PPP2R3A: variants seen among roughly 807,000 people sequenced by gnomAD.
PPP2R3A encodes protein phosphatase 2 regulatory subunit B''alpha.
In PPP2R3A, 80 loss-of-function variants were observed where a neutral mutation model predicts 106.9. The observed-to-expected ratio is 0.75, with a 90% CI of 0.62 to 0.90. The LOEUF (loss-of-function observed/expected upper bound fraction) is 0.90, where lower values mean the gene tolerates loss of function less well. Ranked by LOEUF, PPP2R3A falls within the 40% of genes least tolerant of loss-of-function variation. The pLI is 0.00. For synonymous variants in PPP2R3A, 483 were observed against 468.3 expected, an observed-to-expected ratio of 1.03 and a Z score of -0.41; for missense variants, 1,386 against 1,350.4, an observed-to-expected ratio of 1.03 and a Z score of -0.41.
intron 4 of PPP2R3A, among the ~76,000 whole-genome samples, chr3:136,047,259 G>C (rs1559887588): frequency 1.3e-5 from 2 of 152,114 alleles, no homozygotes; most frequent in Admixed American, 6.5e-5. Context: ...AAAGAACAGA[G>C]TTTACATTTC....
Position 136,001,934 on chromosome 3 carries a change from G to T in PPP2R3A, c.436G>T (p.Val146Phe). 1 of 1,614,186 alleles carries T rather than the reference G, an allele frequency of 6.2e-7. No homozygotes were observed. The highest frequency in any genetic ancestry group is 2.2e-5 in the East Asian group (1 of 44,880). The part of the protein sequence containing the change: ...NHAAYRKGRK[V>F]KSDSFNRRSV... ...TGCAGCTTACAGAAAGGGAAGGAAA[G>T]TTAAGTCTGACTCATTTAATAGGAG... The change falls in exon 2 of 14, where the codon GTT becomes TTT. Residue 146 changes from valine to phenylalanine, a missense_variant. Val to Phe is a conservative substitution (Grantham distance 50). Coordinates refer to ENST00000264977, the MANE Select transcript of PPP2R3A (RefSeq NM_002718.5).
chr3:136,088,279 T>G (rs910858656), intron 9 of PPP2R3A, among the ~76,000 whole-genome samples: 1 of 152,126 alleles, frequency 6.6e-6, no homozygotes, highest in Non-Finnish European at 1.5e-5. Flanking sequence ...GTCCCCAGTG[T>G]CCATTGTTCC....
At chr3:136,057,883 G>A (rs1165294768) in intron 5 of PPP2R3A, among the ~76,000 whole-genome samples, 1 of 152,162 alleles carries the variant, frequency 6.6e-6, no homozygotes, top group Non-Finnish European at 1.5e-5. Context: ...ATGAAGAACA[G>A]TTTGGAGTTT....
intron 8 of PPP2R3A, chr3:136,087,574 A>G (rs1168563130): frequency 4.8e-6 from 1 of 210,488 alleles, no homozygotes; most frequent in Admixed American, 5.8e-5. Context: ...TCTTGTTTAT[A>G]GGAAAATTGG....
chr3:136,115,950 T>C (rs1937734395), intron 13 of PPP2R3A, among the ~76,000 whole-genome samples: 1 of 151,196 alleles, frequency 6.6e-6, no homozygotes, highest in Non-Finnish European at 1.5e-5. Flanking sequence ...AGCGTCAAAT[T>C]CACCAAGGCT....
chr3:136,057,868 C>T (rs1324842294), intron 5 of PPP2R3A, among the ~76,000 whole-genome samples: 1 of 151,964 alleles, frequency 6.6e-6, no homozygotes, highest in South Asian at 2.1e-4. Context: ...ATTAGTATAG[C>T]CATTATGAAG....
At chr3:136,106,881 T>A (rs143315326) in intron 13 of PPP2R3A, 1 of 131,170 alleles carries the variant, frequency 7.6e-6, no homozygotes, top group Non-Finnish European at 1.5e-5. Context: ...GCCGAGATCA[T>A]GCCATTGCAC....
At chr3:135,984,336 G>A (rs573557894) in intron 1 of PPP2R3A, among the ~76,000 whole-genome samples, 17 of 152,258 alleles carry the variant, frequency 1.1e-4, no homozygotes, top group Admixed American at 3.3e-4. Context: ...TGTAACATGC[G>A]TAAATTTTTT....
At chr3:136,038,904 C>A (rs1170025821) in intron 3 of PPP2R3A, among the ~76,000 whole-genome samples, 1 of 152,180 alleles carries the variant, frequency 6.6e-6, no homozygotes, top group Admixed American at 6.5e-5. Context: ...TTCTTGACCC[C>A]AGTGGAGGTA....
In PPP2R3A at chr3:136,026,854, A is replaced by C; in HGVS notation, c.2018A>C (p.Lys673Thr). ...VIKIQNKPEK[K>T]PGTPLPPPAT... Reference sequence around the variant, plus strand: ...TAGATTCAAAATAAACCAGAAAAGAAACCTGGAACACCACTCCCACCTCCA... The same window carrying C: ...TAGATTCAAAATAAACCAGAAAAGACACCTGGAACACCACTCCCACCTCCA... Residue 673 changes from lysine (K) to threonine (T), a missense_variant, in exon 3 of 14, where the codon AAA becomes ACA. By Grantham distance (78) the Lys-to-Thr change is moderately conservative (BLOSUM62 -1). Coordinates refer to ENST00000264977, the MANE Select transcript of PPP2R3A (RefSeq NM_002718.5). 1 of 1,607,118 alleles carries C rather than the reference A, an allele frequency of 6.2e-7. No individual in the cohort carries two copies. The highest frequency in any genetic ancestry group is 1.1e-5 in the South Asian group (1 of 89,314).
chr3:136,147,830 T>C lies in PPP2R3A; in HGVS notation c.*2664T>C, dbSNP rs1164317710. Reference sequence around the variant, plus strand: ...GCTTTTTGAAATGTTAAGATGTGTTTGGAGAAGGCTGCATGACTTTGTTTT... The same window carrying C: ...GCTTTTTGAAATGTTAAGATGTGTTCGGAGAAGGCTGCATGACTTTGTTTT... On this transcript the variant is annotated 3_prime_UTR_variant, in exon 14 of 14. Coordinates refer to ENST00000264977, the MANE Select transcript of PPP2R3A (RefSeq NM_002718.5). 1.3e-5 allele frequency: 2 copies of C among 152,216 alleles called. No individual in the cohort carries two copies. The highest frequency in any genetic ancestry group is 4.8e-5 in the African/African-American group (2 of 41,458). 9.4% of individuals were successfully genotyped at this position (152,216 alleles called of 1,614,324 possible).
intron 13 of PPP2R3A, among the ~76,000 whole-genome samples, chr3:136,142,967 C>T (rs1351620777): frequency 6.6e-6 from 1 of 152,212 alleles, no homozygotes; most frequent in African/African-American, 2.4e-5. Flanking sequence ...ATTTCACTTG[C>T]ATTAGCGGAA....
intron 5 of PPP2R3A, among the ~76,000 whole-genome samples, chr3:136,068,817 A>C (rs1300093549): frequency 6.6e-6 from 1 of 150,626 alleles, no homozygotes; most frequent in Non-Finnish European, 1.5e-5. Flanking sequence ...AGTGTGATTA[A>C]AGTTAACATC....
intron 4 of PPP2R3A, among the ~76,000 whole-genome samples, chr3:136,043,798 T>G (rs940774298): frequency 1.3e-5 from 2 of 152,218 alleles, no homozygotes; most frequent in African/African-American, 4.8e-5. Flanking sequence ...AAATAACATT[T>G]TGTCCTAAAA....
chr3:136,106,248 C>T lies in PPP2R3A; in HGVS notation c.3255C>T (p.Asp1085=). 1 of 1,610,842 alleles carries T rather than the reference C, an allele frequency of 6.2e-7. No individual in the cohort carries two copies. Among genetic ancestry groups the T allele is most frequent in the Non-Finnish European group, 8.5e-7 (1 of 1,179,324 alleles). ...AGAACGATGGGCCTGAGCCCTCAGACTGGGACCGGTTTGCCGCTGAGGAGT... is the reference window on the plus strand; with the variant it reads ...AGAACGATGGGCCTGAGCCCTCAGATTGGGACCGGTTTGCCGCTGAGGAGT... ...DVENDGPEPS[D]WDRFAAEEYE... The change falls in exon 13 of 14, where the codon GAC becomes GAT. Residue 1085 remains aspartate, a synonymous_variant. Coordinates refer to ENST00000264977, the MANE Select transcript of PPP2R3A (RefSeq NM_002718.5).
rs963156723 is a variant in PPP2R3A at position 136,049,473 on chromosome 3, T to C, written c.2469+112T>C. 1.6e-5 allele frequency: 11 copies of C among 696,256 alleles called. No individual in the cohort carries two copies. The Admixed American group carries it at 3.1e-4, about 20-fold the overall frequency. The allele number at this position is 696,256 out of a possible 1,614,324, so 43.1% of individuals were successfully genotyped here. A position where few individuals can be genotyped will look rare whatever the true frequency, so the allele number is the denominator to read the frequency against. On this transcript the variant is annotated intron_variant, in intron 5 of 13. Transcript: ENST00000264977. ...GAGCTACACAGATCTAGATATCAGATTCTAGAAGAGTGGTTTTCAAACTTG... is the reference window on the plus strand; with the variant it reads ...GAGCTACACAGATCTAGATATCAGACTCTAGAAGAGTGGTTTTCAAACTTG...
chr3:136,139,678 C>T (rs1411368766), intron 13 of PPP2R3A, among the ~76,000 whole-genome samples: 40 of 131,052 alleles, frequency 3.1e-4, no homozygotes, highest in Admixed American at 5.0e-4. Flanking sequence ...GGTGACAGAG[C>T]GAGACTCCAT....
chr3:136,037,524 T>A (rs753591355), intron 3 of PPP2R3A, among the ~76,000 whole-genome samples: 1 of 152,246 alleles, frequency 6.6e-6, no homozygotes, highest in Non-Finnish European at 1.5e-5. Context: ...CCGCAGCTCC[T>A]GTCTTCTGGC....
chr3:136,102,222 G>A (rs765927046), intron 11 of PPP2R3A, 40 bp downstream of exon 11: 1 of 1,598,268 alleles, frequency 6.3e-7, no homozygotes, highest in Non-Finnish European at 8.5e-7. Flanking sequence ...GTTCACCTAT[G>A]TATCAGAGGA....
Sources: gnomAD v4.1 joint callset for allele counts (sites outside exome capture counted in the v4.1 genomes callset) on GRCh38, gnomAD v4.1.1 for gene constraint, MANE v1.5 for transcripts, NCBI Gene and HGNC (gene_info 2026-07-23, HGNC 2026-07-21) for gene names.